The following ESRRG variants were observed in gnomAD, a reference collection of about 807,000 sequenced individuals.
ESRRG encodes estrogen related receptor gamma, also known as estrogen-related receptor gamma.
ESRRG carries 13 observed loss-of-function variants against 44.0 expected under a neutral mutation model. That is an observed-to-expected ratio of 0.30 (90% CI 0.19 to 0.47). The LOEUF (loss-of-function observed/expected upper bound fraction) is 0.47. Among genes scored for constraint, ESRRG ranks in the 20% least tolerant of loss-of-function variants. The probability of loss-of-function intolerance (pLI) is 1.00; values close to 1 mark genes in which losing one functional copy is unlikely to be tolerated. For missense variants in ESRRG, 395 were observed against 580.6 expected (o/e 0.68, Z 3.29); for synonymous variants, 215 against 214.6 (o/e 1.00, Z -0.02).
rs148641795 is a variant in ESRRG at position 216,695,161 on chromosome 1, T to C, written c.57-17670A>G. ...GTATTCTACAAATAATATATAATAA[T>C]TAGTCAAGCTACAATTTCTTTGACA... On this transcript the variant is annotated intron_variant, in intron 1 of 6. Coordinates refer to ENST00000408911, the MANE Select transcript of ESRRG (RefSeq NM_001438.4). Among the ~76,000 whole-genome samples the C allele has an allele frequency of 1.6e-3, 250 of 152,160 alleles. 7 individuals are homozygous for C. In the East Asian group the frequency reaches 0.042, roughly 25 times the overall value.
Sources: allele counts gnomAD v4.1 joint callset (sites outside exome capture counted in the v4.1 genomes callset), GRCh38; gene constraint gnomAD v4.1.1; transcripts MANE v1.5; gene names NCBI Gene and HGNC (gene_info 2026-07-23, HGNC 2026-07-21).